RHOJ: variants seen among roughly 807,000 people sequenced by gnomAD.
RHOJ encodes ras homolog family member J.
A neutral mutation model predicts 23.4 loss-of-function variants in RHOJ; 11 were observed. That is an observed-to-expected ratio of 0.47 (90% CI 0.30 to 0.78). The LOEUF (loss-of-function observed/expected upper bound fraction) is 0.78. Among genes scored for constraint, RHOJ ranks in the 30% least tolerant of loss-of-function variants. The pLI is 0.08. For synonymous variants in RHOJ, 102 were observed against 102.7 expected, an observed-to-expected ratio of 0.99 and a Z score of 0.04; for missense variants, 254 against 273.4, an observed-to-expected ratio of 0.93 and a Z score of 0.50.
chr14:63,276,551 G>A (rs191082594), intron 2 of RHOJ, among the ~76,000 whole-genome samples: 15 of 152,202 alleles, frequency 9.9e-5, no homozygotes, highest in African/African-American at 2.9e-4. Context: ...ACAGTGCTAC[G>A]CATTCAGTAG....
intron 1 of RHOJ, among the ~76,000 whole-genome samples, chr14:63,215,244 A>T (rs1894329464): frequency 6.6e-6 from 1 of 152,012 alleles, no homozygotes; most frequent in Non-Finnish European, 1.5e-5. Context: ...AGATGCATAA[A>T]TCTGGGGAGA....
chr14:63,238,126 C>T (rs749839695), intron 1 of RHOJ, among the ~76,000 whole-genome samples: 18 of 152,140 alleles, frequency 1.2e-4, no homozygotes, highest in Non-Finnish European at 2.2e-4. Context: ...CTTGATAATT[C>T]GTGACAGATG....
intron 1 of RHOJ, among the ~76,000 whole-genome samples, chr14:63,260,506 A>G (rs1895253067): frequency 6.6e-6 from 1 of 152,198 alleles, no homozygotes; most frequent in Non-Finnish European, 1.5e-5. Flanking sequence ...ATACATCAAC[A>G]ACAGCACAAT....
intron 1 of RHOJ, among the ~76,000 whole-genome samples, chr14:63,247,721 G>T (rs1895000698): frequency 6.6e-6 from 1 of 152,094 alleles, no homozygotes. Context: ...TGTGAAATAA[G>T]ATAAATTCCT....
At chr14:63,279,210 G>A (rs1337765056) in intron 2 of RHOJ, among the ~76,000 whole-genome samples, 3 of 152,132 alleles carry the variant, frequency 2.0e-5, no homozygotes, top group Non-Finnish European at 4.4e-5. Flanking sequence ...TAATAAATGA[G>A]TTAATTATTT....
At chr14:63,206,682 TA>T (rs1023331429) in intron 1 of RHOJ, among the ~76,000 whole-genome samples, 2 of 151,630 alleles carry the variant, frequency 1.3e-5, no homozygotes, top group Non-Finnish European at 2.9e-5. Flanking sequence ...AGTCAGCCTA[TA>T]AAAAATCTAC....
rs151231439 is a variant in RHOJ, at chr14:63,232,166, A to G, written c.178+27119A>G. Among the ~76,000 whole-genome samples the G allele has an allele frequency of 1.8e-3, 275 of 152,298 alleles. 1 individual carries two copies. The highest frequency in any genetic ancestry group is 5.8e-3 in the African/African-American group (241 of 41,560). On this transcript the variant is annotated intron_variant, in intron 1 of 4. Coordinates refer to ENST00000316754, the MANE Select transcript of RHOJ (RefSeq NM_020663.5). ...GCTCCATACACTATGAGTTTCATCA[A>G]ATCATTTTCAACTAGAGAATCACAG...
chr14:63,209,182 CA>C (rs1894179090), intron 1 of RHOJ, among the ~76,000 whole-genome samples: 1 of 152,168 alleles, frequency 6.6e-6, no homozygotes, highest in African/African-American at 2.4e-5. Context: ...CTACTATAAT[CA>C]ATTCCCAATT....
intron 1 of RHOJ, among the ~76,000 whole-genome samples, chr14:63,263,749 A>T (rs1022533493): frequency 6.6e-6 from 1 of 152,116 alleles, no homozygotes; most frequent in Admixed American, 6.5e-5. Context: ...TCTTTTACTC[A>T]TTTTGAGGAA....
intron 1 of RHOJ, among the ~76,000 whole-genome samples, chr14:63,266,597 T>C (rs1895371773): frequency 1.3e-5 from 2 of 152,260 alleles, no homozygotes; most frequent in Non-Finnish European, 2.9e-5. Flanking sequence ...GTATCATCTA[T>C]AATTTCTTCC....
chr14:63,279,575 G>A (rs565357545), intron 2 of RHOJ, among the ~76,000 whole-genome samples: 6 of 152,244 alleles, frequency 3.9e-5, no homozygotes, highest in Non-Finnish European at 7.4e-5. Context: ...GAAATGATGC[G>A]CAGTTTTACT....
intron 1 of RHOJ, among the ~76,000 whole-genome samples, chr14:63,221,878 G>T (rs1205204667): frequency 6.6e-6 from 1 of 152,018 alleles, no homozygotes; most frequent in Non-Finnish European, 1.5e-5. Context: ...CAACGTGCAG[G>T]TTTGTTACAT....
At chr14:63,258,941 A>G (rs890091900) in intron 1 of RHOJ, among the ~76,000 whole-genome samples, 2 of 152,134 alleles carry the variant, frequency 1.3e-5, no homozygotes, top group African/African-American at 4.8e-5. Flanking sequence ...CATTTTTTAA[A>G]TGCTTTGTTT....
At chr14:63,208,259 C>T (rs1894157421) in intron 1 of RHOJ, among the ~76,000 whole-genome samples, 1 of 152,180 alleles carries the variant, frequency 6.6e-6, no homozygotes, top group African/African-American at 2.4e-5. Context: ...TGATGTATCC[C>T]TACCTCCTAC....
chr14:63,208,045 ATTTTC>A (rs932990175), intron 1 of RHOJ, among the ~76,000 whole-genome samples: 1 of 152,170 alleles, frequency 6.6e-6, no homozygotes, highest in African/African-American at 2.4e-5. Context: ...GAGTGTATGT[ATTTTC>A]TTCATAAAAT....
At position 63,220,225 on chromosome 14, in the gene RHOJ, G is replaced by A. The variant is rs528798432; in HGVS notation, c.178+15178G>A. Among the ~76,000 whole-genome samples, 131 of 152,082 alleles carry A rather than the reference G, an allele frequency of 8.6e-4. 2 individuals are homozygous for A. The highest frequency in any genetic ancestry group is 1.7e-3 in the Non-Finnish European group (113 of 67,978). ...TTTCTCTGTGATTCTTCAAGGACAA[G>A]GTTTTTTTAATCCCCATTCTTTGTT... On this transcript the variant is annotated intron_variant, in intron 1 of 4. Coordinates refer to ENST00000316754, the MANE Select transcript of RHOJ (RefSeq NM_020663.5).
Position 63,280,992 on chromosome 14 carries a change from C to G in RHOJ, c.259C>G (p.Pro87Ala), listed in dbSNP as rs369623546. ...AGQEDYNQLR[P>A]LSYPNTDVFL... ...ACAGGAGGACTACAACCAGCTGAGG[C>G]CACTCTCCTACCCCAACACGGATGT... Residue 87 changes from proline to alanine, a missense_variant, in exon 3 of 5, where the codon CCA becomes GCA. By Grantham distance (27) the Pro-to-Ala change is conservative. Coordinates refer to ENST00000316754, the MANE Select transcript of RHOJ (RefSeq NM_020663.5). 54 of 1,613,430 alleles carry G rather than the reference C, an allele frequency of 3.3e-5. No individual in the cohort carries two copies. Among genetic ancestry groups the G allele is most frequent in the Non-Finnish European group, 4.6e-5 (54 of 1,179,618 alleles).
chr14:63,272,879 C>T (rs553880358), intron 2 of RHOJ, among the ~76,000 whole-genome samples: 2 of 152,194 alleles, frequency 1.3e-5, no homozygotes, highest in African/African-American at 4.8e-5. Flanking sequence ...CAAAATTAGC[C>T]GAGCATGGTG....
At chr14:63,279,689 A>T (rs1328018464) in intron 2 of RHOJ, among the ~76,000 whole-genome samples, 1 of 152,216 alleles carries the variant, frequency 6.6e-6, no homozygotes, top group African/African-American at 2.4e-5. Flanking sequence ...TTAGAAAGAA[A>T]ATAATTAAGC....
Sources: allele counts gnomAD v4.1 joint callset (sites outside exome capture counted in the v4.1 genomes callset), GRCh38; gene constraint gnomAD v4.1.1; transcripts MANE v1.5; gene names NCBI Gene and HGNC (gene_info 2026-07-23, HGNC 2026-07-21).